EYS: variants seen among roughly 807,000 people sequenced by gnomAD.
EYS encodes the protein EGF-like photoreceptor maintenance factor, also known as protein eyes shut homolog.
A neutral mutation model predicts 282.1 loss-of-function variants in EYS; 250 were observed. That is an observed-to-expected ratio of 0.89 (90% confidence interval 0.80 to 0.98). The LOEUF is 0.98. Ranked by LOEUF, EYS falls within the 50% of genes least tolerant of loss-of-function variation. The probability of loss-of-function intolerance (pLI) is 0.00; values close to 1 mark genes in which losing one functional copy is unlikely to be tolerated. For missense variants in EYS, 4,016 were observed against 3,709.0 expected (o/e 1.08, Z -2.15); for synonymous variants, 1,355 against 1,282.9 (o/e 1.06, Z -1.20).
intron 24 of EYS, among the ~76,000 whole-genome samples, chr6:64,615,329 AG>A (rs1290107829): frequency 6.6e-6 from 1 of 152,108 alleles, no homozygotes; most frequent in East Asian, 1.9e-4. Flanking sequence ...ACTAAAGATT[AG>A]TGGGGGAGGG....
chr6:65,537,410 C>G (rs1377998149), intron 2 of EYS, among the ~76,000 whole-genome samples: 1 of 151,972 alleles, frequency 6.6e-6, no homozygotes, highest in East Asian at 1.9e-4. Flanking sequence ...AAATTAAACC[C>G]TAAACATTAA....
chr6:64,188,996 C>T (rs568707935), intron 31 of EYS, among the ~76,000 whole-genome samples: 9 of 152,076 alleles, frequency 5.9e-5, no homozygotes, highest in African/African-American at 1.4e-4. Context: ...GAGAACATTA[C>T]AAAAAATCAT....
intron 36 of EYS, among the ~76,000 whole-genome samples, chr6:63,853,759 C>G (rs947066850): frequency 5.9e-5 from 9 of 152,160 alleles, no homozygotes; most frequent in African/African-American, 2.2e-4. Context: ...GTAACCAAAA[C>G]AGCATGGTAC....
At chr6:63,922,938 T>G (rs1764613803) in intron 35 of EYS, among the ~76,000 whole-genome samples, 1 of 152,206 alleles carries the variant, frequency 6.6e-6, no homozygotes, top group Admixed American at 6.5e-5. Flanking sequence ...CGTTGTGACT[T>G]TGAAGAAGTC....
At chr6:65,335,236 T>C in intron 10 of EYS, 90 bp from the exon 11 acceptor site, 1 of 888,892 alleles carries the variant, frequency 1.1e-6, no homozygotes, top group East Asian at 2.5e-5. Context: ...GATAGATGCC[T>C]CTCTGTCTAC....
chr6:65,366,248 A>C (rs9445530), intron 8 of EYS, among the ~76,000 whole-genome samples: 14 of 151,602 alleles, frequency 9.2e-5, no homozygotes, highest in Admixed American at 6.7e-4. Flanking sequence ...GAAAGTCTGC[A>C]GTTTCACTAA....
At chr6:64,325,262 A>C (rs952294423) in intron 29 of EYS, among the ~76,000 whole-genome samples, 6 of 152,172 alleles carry the variant, frequency 3.9e-5, no homozygotes, top group African/African-American at 1.4e-4. Flanking sequence ...CTGTGCAGAC[A>C]ACCCCCTGGA....
chr6:64,193,894 C>G (rs2150318015), intron 31 of EYS, among the ~76,000 whole-genome samples: 1 of 152,250 alleles, frequency 6.6e-6, no homozygotes, highest in Non-Finnish European at 1.5e-5. Context: ...TGAATCCAGT[C>G]TATCATTGAT....
Position 64,591,668 on chromosome 6 carries a change from G to A in EYS, c.4199C>T (p.Ser1400Leu). 6.4e-7 allele frequency: 1 copy of A among 1,551,218 alleles called. No homozygotes were observed. The highest frequency in any genetic ancestry group is 8.7e-7 in the Non-Finnish European group (1 of 1,146,710). ...AGATTGTGTAGGAAAAATAAAATCT[G>A]ACATTAAGGAAGACATGATAAATGG... ...RTPFIMSSLM[S>L]DFIFPTQSLL... Residue 1400 changes from serine to leucine, a missense_variant, in exon 26 of 43, where the codon TCA becomes TTA. Coordinates refer to ENST00000503581, the MANE Select transcript of EYS (RefSeq NM_001142800.2).
At chr6:63,919,136 G>A (rs1047542438) in intron 35 of EYS, among the ~76,000 whole-genome samples, 7 of 151,960 alleles carry the variant, frequency 4.6e-5, no homozygotes, top group African/African-American at 1.5e-4. Flanking sequence ...GCAGGGCATC[G>A]CTGAGGAATG....
chr6:65,691,048 T>C lies in EYS; in HGVS notation c.-448+16087A>G, dbSNP rs138841403. Among the ~76,000 whole-genome samples the C allele has an allele frequency of 4.7e-5, 7 of 150,366 alleles. 2 individuals are homozygous for C. In the East Asian group the frequency reaches 1.6e-3, roughly 34 times the overall value. ...AATAGTGCTACAATAAACATACATG[T>C]GCATGTGTCTTTATAGTAAAATGAT... On this transcript the variant is annotated intron_variant, in intron 1 of 42. Coordinates refer to ENST00000503581, the MANE Select transcript of EYS (RefSeq NM_001142800.2).
chr6:64,567,177 C>A (rs1209593944), intron 26 of EYS, among the ~76,000 whole-genome samples: 1 of 151,742 alleles, frequency 6.6e-6, no homozygotes, highest in South Asian at 2.1e-4. Flanking sequence ...ACCAAAAATG[C>A]AATAACGCAT....
intron 36 of EYS, among the ~76,000 whole-genome samples, chr6:63,852,514 C>T (rs1176714592): frequency 3.9e-5 from 6 of 152,036 alleles, no homozygotes; most frequent in African/African-American, 1.5e-4. Context: ...AAAAAAAGCC[C>T]AGGACCAGAT....
At chr6:64,910,107 C>G (rs376485054) in intron 16 of EYS, among the ~76,000 whole-genome samples, 55 of 152,202 alleles carry the variant, frequency 3.6e-4, no homozygotes, top group African/African-American at 1.3e-3. Flanking sequence ...AGTCAATTGA[C>G]AAACACCAAC....
At chr6:65,362,629 T>C (rs1429939199) in intron 8 of EYS, among the ~76,000 whole-genome samples, 4 of 151,828 alleles carry the variant, frequency 2.6e-5, no homozygotes, top group Non-Finnish European at 4.4e-5. Context: ...GTAATGTATA[T>C]GCATGTGTAT....
At chr6:65,633,356 CAATGTATTTTACAG>C (rs998412344) in intron 2 of EYS, among the ~76,000 whole-genome samples, 2 of 152,158 alleles carry the variant, frequency 1.3e-5, no homozygotes, top group Non-Finnish European at 2.9e-5. Flanking sequence ...AAGAAAAGCT[CAATGTATTTTACAG>C]AATGCATTTT....
chr6:65,351,215 T>C (rs767026366), intron 9 of EYS, among the ~76,000 whole-genome samples: 5 of 151,950 alleles, frequency 3.3e-5, no homozygotes, highest in Non-Finnish European at 7.4e-5. Flanking sequence ...GTCTGTGCAT[T>C]ATCACACTGT....
intron 26 of EYS, among the ~76,000 whole-genome samples, chr6:64,491,092 G>A (rs1038278142): frequency 1.3e-5 from 2 of 150,848 alleles, no homozygotes; most frequent in African/African-American, 4.8e-5. Context: ...GGAAAAGGAT[G>A]GGGTGGATAA....
chr6:65,072,456 A>C (rs1292708121), intron 12 of EYS, among the ~76,000 whole-genome samples: 1 of 151,874 alleles, frequency 6.6e-6, no homozygotes, highest in East Asian at 1.9e-4. Context: ...ATAAAGACTA[A>C]TAGTTTGTGA....
Sources: gnomAD v4.1 joint callset for allele counts (sites outside exome capture counted in the v4.1 genomes callset) on GRCh38, gnomAD v4.1.1 for gene constraint, MANE v1.5 for transcripts, NCBI Gene and HGNC (gene_info 2026-07-23, HGNC 2026-07-21) for gene names.